Variants in TFPI observed in about 807,000 individuals in gnomAD.
TFPI encodes tissue factor pathway inhibitor, also known as anti-convertin.
In TFPI, 15 loss-of-function variants were observed where a neutral mutation model predicts 34.6. The observed-to-expected ratio is 0.43, with a 90% CI of 0.29 to 0.67. The LOEUF is 0.67. Among genes scored for constraint, TFPI ranks in the 30% least tolerant of loss-of-function variants. The pLI is 0.15. For synonymous variants in TFPI, 105 were observed against 120.1 expected, an observed-to-expected ratio of 0.87 and a Z score of 0.82; for missense variants, 301 against 364.0, an observed-to-expected ratio of 0.83 and a Z score of 1.41.
At chr2:187,501,473 A>T (rs1685847511) in intron 2 of TFPI, among the ~76,000 whole-genome samples, 1 of 152,128 alleles carries the variant, frequency 6.6e-6, no homozygotes, top group African/African-American at 2.4e-5. Flanking sequence ...GACTCTAATT[A>T]AAGGATTTTA....
At chr2:187,479,568 T>C (rs1386441295) in intron 6 of TFPI, among the ~76,000 whole-genome samples, 1 of 141,002 alleles carries the variant, frequency 7.1e-6, no homozygotes, top group African/African-American at 2.6e-5. Context: ...TATATATATA[T>C]ATATATATAT....
At chr2:187,534,229 G>T (rs7577090) in intron 1 of TFPI, among the ~76,000 whole-genome samples, 1 of 151,928 alleles carries the variant, frequency 6.6e-6, no homozygotes, top group East Asian at 1.9e-4. Flanking sequence ...CACCACAAAG[G>T]TACTCCTCAA....
chr2:187,497,101 A>G (rs1685534854), intron 2 of TFPI, 23 bp from the exon 3 acceptor site: 2 of 1,584,730 alleles, frequency 1.3e-6, no homozygotes, highest in East Asian at 4.6e-5. Flanking sequence ...AATAAAAGAT[A>G]TAACATGTAA....
At position 187,488,430 on chromosome 2, in the gene TFPI, ATGAATT is replaced by A. The variant is rs1693451108; in HGVS notation, c.320-61_320-56del. ...TTGTCACAATTTATAAAGTAATACT[ATGAATT>A]TGAATTTAACAAACAAGAGTGACAT... is the stretch of plus-strand genomic sequence containing the variant. On this transcript the variant is annotated intron_variant, in intron 3 of 7. Transcript: ENST00000233156. The A allele has an allele frequency of 4.3e-6, 5 of 1,160,852 alleles. No individual in the cohort carries two copies. The East Asian group carries it at 8.1e-5, about 19-fold the overall frequency. The allele number at this position is 1,160,852 out of a possible 1,614,324, so 71.9% of individuals were successfully genotyped here. A position where few individuals can be genotyped will look rare whatever the true frequency, so the allele number is the denominator to read the frequency against.
chr2:187,507,437 GA>G, intron 1 of TFPI, among the ~76,000 whole-genome samples: 1 of 152,188 alleles, frequency 6.6e-6, no homozygotes, highest in East Asian at 1.9e-4. Context: ...GATCCTTGAG[GA>G]ATTGCCACAC....
intron 2 of TFPI, among the ~76,000 whole-genome samples, chr2:187,501,413 A>G (rs8176423): frequency 0.035 from 5,352 of 150,956 alleles, 281 homozygotes; most frequent in African/African-American, 0.11. Flanking sequence ...ACTTATTTGC[A>G]AATCTAGGGC....
At chr2:187,537,425 G>C (rs1688320991) in intron 1 of TFPI, among the ~76,000 whole-genome samples, 1 of 152,054 alleles carries the variant, frequency 6.6e-6, no homozygotes, top group South Asian at 2.1e-4. Flanking sequence ...AGGCCTCAGA[G>C]ATAACGCCAC....
chr2:187,472,408 T>G (rs1692096862), intron 6 of TFPI, among the ~76,000 whole-genome samples: 2 of 152,208 alleles, frequency 1.3e-5, no homozygotes. Context: ...ATTAGAATTA[T>G]GCAAAATCTA....
intron 6 of TFPI, among the ~76,000 whole-genome samples, chr2:187,475,990 T>A (rs8176622): frequency 0.04 from 6,096 of 152,232 alleles, 182 homozygotes; most frequent in South Asian, 0.12. Context: ...AGAGTTCTAA[T>A]CAAAATATGT....
chr2:187,517,127 G>A (rs930939999), intron 1 of TFPI: 9 of 152,116 alleles, frequency 5.9e-5, no homozygotes, highest in Non-Finnish European at 2.9e-5. Flanking sequence ...TTGAGCACAC[G>A]TTTTCTTCGC....
chr2:187,475,654 T>C (rs993039273), intron 6 of TFPI, among the ~76,000 whole-genome samples: 5 of 152,122 alleles, frequency 3.3e-5, no homozygotes, highest in African/African-American at 1.2e-4. Context: ...CAAGCGAAAT[T>C]TTGTGATCTT....
At chr2:187,527,903 A>T (rs562844094) in intron 1 of TFPI, among the ~76,000 whole-genome samples, 65 of 152,242 alleles carry the variant, frequency 4.3e-4, no homozygotes, top group African/African-American at 1.6e-3. Flanking sequence ...ATATGACTAG[A>T]TGGCTAGTAA....
At chr2:187,538,599 T>C (rs1276510002) in intron 1 of TFPI, among the ~76,000 whole-genome samples, 1 of 152,082 alleles carries the variant, frequency 6.6e-6, no homozygotes, top group East Asian at 1.9e-4. Flanking sequence ...TTCGTGGGAC[T>C]AGGGGAGGGA....
chr2:187,493,248 G>A (rs1006541858), intron 3 of TFPI, among the ~76,000 whole-genome samples: 1 of 152,124 alleles, frequency 6.6e-6, no homozygotes, highest in African/African-American at 2.4e-5. Context: ...AGTTGCCAAG[G>A]CTCGAGGCTT....
intron 1 of TFPI, among the ~76,000 whole-genome samples, chr2:187,522,343 A>G (rs1326574816): frequency 6.6e-6 from 1 of 152,110 alleles, no homozygotes; most frequent in African/African-American, 2.4e-5. Flanking sequence ...TTCAGGTAGT[A>G]ACTATAATAG....
At chr2:187,540,678 T>C (rs1480735208) in intron 1 of TFPI, among the ~76,000 whole-genome samples, 1 of 151,974 alleles carries the variant, frequency 6.6e-6, no homozygotes, top group Admixed American at 6.6e-5. Flanking sequence ...TCACTTGAGG[T>C]TAGCAGTTCC....
At chr2:187,509,646 C>T (rs1686482183) in intron 1 of TFPI, among the ~76,000 whole-genome samples, 1 of 151,954 alleles carries the variant, frequency 6.6e-6, no homozygotes, top group Non-Finnish European at 1.5e-5. Flanking sequence ...GGTGATATCC[C>T]CTTTATCATT....
chr2:187,522,463 G>T (rs1333126149), intron 1 of TFPI, among the ~76,000 whole-genome samples: 1 of 152,042 alleles, frequency 6.6e-6, no homozygotes, highest in Non-Finnish European at 1.5e-5. Flanking sequence ...TGCTAGAATA[G>T]TAAATTCTAG....
intron 2 of TFPI, among the ~76,000 whole-genome samples, chr2:187,500,166 A>G (rs532217136): frequency 6.6e-6 from 1 of 152,198 alleles, no homozygotes; most frequent in South Asian, 2.1e-4. Context: ...GCAAAAGCTG[A>G]TAAACTCGCT....
Sources: gnomAD v4.1 joint callset for allele counts (sites outside exome capture counted in the v4.1 genomes callset) on GRCh38, gnomAD v4.1.1 for gene constraint, MANE v1.5 for transcripts, NCBI Gene and HGNC (gene_info 2026-07-23, HGNC 2026-07-21) for gene names.